The following TRDMT1 variants were observed in gnomAD, a reference collection of about 807,000 sequenced individuals.
TRDMT1 encodes the protein tRNA (cytosine(38)-C(5))-methyltransferase.
A neutral mutation model predicts 51.2 loss-of-function variants in TRDMT1; 49 were observed. The observed-to-expected ratio is 0.96, with a 90% CI of 0.76 to 1.21. The LOEUF is 1.21. TRDMT1 is among the 50% of genes most tolerant of loss of function. The pLI is 0.00. For synonymous variants in TRDMT1, 187 were observed against 164.6 expected (o/e 1.14, Z -1.04); for missense variants, 534 against 462.3 (o/e 1.16, Z -1.42).
At chr10:17,152,249 A>G in intron 10 of TRDMT1, 1 of 437,362 alleles carries the variant, frequency 2.3e-6, no homozygotes, top group Non-Finnish European at 3.7e-6. Context: ...TTCTTAAACA[A>G]CACTCCCCAG....
At chr10:17,183,314 G>C (rs1475077064) in intron 1 of TRDMT1, among the ~76,000 whole-genome samples, 1 of 152,108 alleles carries the variant, frequency 6.6e-6, no homozygotes. Context: ...TATCAACAGA[G>C]GCTATCCCCT....
intron 1 of TRDMT1, among the ~76,000 whole-genome samples, chr10:17,178,661 A>G (rs4546995): frequency 0.95 from 139,469 of 147,114 alleles, 66,487 homozygotes; most frequent in Non-Finnish European, 1. Flanking sequence ...AGATGACAGA[A>G]TGAGACTCTG....
At chr10:17,197,568 T>G (rs565017315) in intron 1 of TRDMT1, among the ~76,000 whole-genome samples, 17 of 152,132 alleles carry the variant, frequency 1.1e-4, no homozygotes, top group Non-Finnish European at 2.5e-4. Flanking sequence ...TAACTGAAAA[T>G]TCAGTAATGT....
chr10:17,174,136 A>G (rs1046067641), intron 2 of TRDMT1, among the ~76,000 whole-genome samples: 1 of 152,250 alleles, frequency 6.6e-6, no homozygotes, highest in Non-Finnish European at 1.5e-5. Context: ...ACCACAGGTG[A>G]AAAAGGTTAA....
chr10:17,201,431 A>C (rs1182932112), intron 1 of TRDMT1, 140 bp downstream of exon 1: 3 of 773,868 alleles, frequency 3.9e-6, no homozygotes, highest in African/African-American at 2.0e-5. Context: ...AGCTGTTTCC[A>C]GGACAACCGA....
chr10:17,154,641 T>C (rs1213236406), intron 9 of TRDMT1, 36 bp downstream of exon 9: 1 of 1,523,670 alleles, frequency 6.6e-7, no homozygotes, highest in Non-Finnish European at 8.8e-7. Flanking sequence ...TAGTTAAAAG[T>C]TTTAAAGTGT....
rs534652753 is a variant in TRDMT1 at position 17,161,840 on chromosome 10, T to A, written c.324-292A>T. On this transcript the variant is annotated intron_variant, in intron 4 of 10. Coordinates refer to ENST00000377799, the MANE Select transcript of TRDMT1 (RefSeq NM_004412.7). ...AAGGGCGGCTACTCACATAGAAGGG[T>A]GGCTTTAAGGGTTTGCACATATTTC... Among the ~76,000 whole-genome samples, 7 of 152,218 alleles carry A rather than the reference T, an allele frequency of 4.6e-5. No homozygotes were observed. The South Asian group carries it at 1.5e-3, about 32-fold the overall frequency.
At chr10:17,150,859 AG>A in intron 10 of TRDMT1, 2 of 985,280 alleles carry the variant, frequency 2.0e-6, no homozygotes, top group South Asian at 4.7e-5. Flanking sequence ...TTTACTTCAA[AG>A]TAGCCAGAGG....
chr10:17,169,497 T>C (rs540416137), intron 2 of TRDMT1: 2 of 1,289,818 alleles, frequency 1.6e-6, no homozygotes, highest in East Asian at 5.5e-5. Context: ...AAAGAATTCC[T>C]AATGGGCTAA....
At position 17,142,011 on chromosome 10, in the gene TRDMT1, T is replaced by A. The variant is rs565662681; in HGVS notation, c.*7029A>T. ...TTGGCATATAGTGCACCTACCATAA[T>A]GGTTCTTTTGTTAACTTCTATTTCT... On this transcript the variant is annotated 3_prime_UTR_variant, in exon 11 of 11. Coordinates refer to ENST00000377799, the MANE Select transcript of TRDMT1 (RefSeq NM_004412.7). Among the ~76,000 whole-genome samples the A allele has an allele frequency of 1.6e-4, 24 of 152,116 alleles. No individual in the cohort carries two copies. The highest frequency in any genetic ancestry group is 4.6e-4 in the African/African-American group (19 of 41,518).
chr10:17,189,717 T>A (rs966564015), intron 1 of TRDMT1, among the ~76,000 whole-genome samples: 3 of 152,160 alleles, frequency 2.0e-5, no homozygotes, highest in African/African-American at 7.2e-5. Context: ...TTCTAGTTAA[T>A]TTAAAATCAT....
At chr10:17,189,618 T>A (rs759618581) in intron 1 of TRDMT1, among the ~76,000 whole-genome samples, 3 of 152,130 alleles carry the variant, frequency 2.0e-5, no homozygotes, top group Non-Finnish European at 4.4e-5. Flanking sequence ...AAGAAAAACA[T>A]CCATTCTGAA....
chr10:17,145,594 C>T lies in TRDMT1; in HGVS notation c.*3446G>A, dbSNP rs1277018076. 3 of 985,418 alleles carry T rather than the reference C, an allele frequency of 3.0e-6. No homozygotes were observed. Among genetic ancestry groups the T allele is most frequent in the Admixed American group, 1.2e-4 (2 of 16,290 alleles). 61.0% of individuals were successfully genotyped at this position (985,418 alleles called of 1,614,324 possible). A position where few individuals can be genotyped will look rare whatever the true frequency, so the allele number is the denominator to read the frequency against. Reference sequence around the variant, plus strand: ...GCCTAAAACAGTTAGAATCCCAAGCCGAAGGCCAAATTATGACAAGGTAAC... The same window carrying T: ...GCCTAAAACAGTTAGAATCCCAAGCTGAAGGCCAAATTATGACAAGGTAAC... On this transcript the variant is annotated 3_prime_UTR_variant, in exon 11 of 11. Coordinates refer to ENST00000377799, the MANE Select transcript of TRDMT1 (RefSeq NM_004412.7).
chr10:17,177,115 T>C (rs1300059277), intron 1 of TRDMT1, among the ~76,000 whole-genome samples: 1 of 151,868 alleles, frequency 6.6e-6, no homozygotes, highest in African/African-American at 2.4e-5. Flanking sequence ...GGATTTCATA[T>C]TTATTAACAG....
chr10:17,200,237 A>G, intron 1 of TRDMT1, among the ~76,000 whole-genome samples: 1 of 152,238 alleles, frequency 6.6e-6, no homozygotes, highest in Admixed American at 6.5e-5. Flanking sequence ...TCGACACTTA[A>G]GGAATGGCTG....
chr10:17,154,805 T>C (rs1839275972), intron 8 of TRDMT1, 71 bp from the exon 9 acceptor site: 2 of 1,312,078 alleles, frequency 1.5e-6, no homozygotes, highest in African/African-American at 3.0e-5. Flanking sequence ...AAATATTTAT[T>C]GAATGAATTA....
intron 1 of TRDMT1, among the ~76,000 whole-genome samples, chr10:17,183,430 T>C (rs919967105): frequency 6.6e-6 from 1 of 152,192 alleles, no homozygotes; most frequent in African/African-American, 2.4e-5. Flanking sequence ...CTTTAGTTAC[T>C]TTTTTGAGAT....
rs200015693 is a variant in TRDMT1, at chr10:17,168,193, C to T, written c.251+648G>A. Among the ~76,000 whole-genome samples the T allele has an allele frequency of 2.8e-4, 43 of 152,216 alleles. No individual in the cohort carries two copies. The East Asian group carries it at 7.4e-3, about 26-fold the overall frequency. On this transcript the variant is annotated intron_variant, in intron 3 of 10. Transcript: ENST00000377799. ...AAGTACATACCTTTAGTCCCAGCTA[C>T]TCAGGAGGCTGAGGCAGGAGGATTG...
Position 17,160,364 on chromosome 10 carries a change from T to A in TRDMT1, c.400A>T (p.Ile134Leu). ...FEVSSTRDLLIQTIENCGFQY... is the reference protein window; with the variant it reads ...FEVSSTRDLLLQTIENCGFQY... ...AAGCCACAATTTTCTATTGTTTGTA[T>A]CAAGAGGTCTCTAAAAAGAAAAAAA... Residue 134 changes from isoleucine to leucine, a missense_variant, in exon 6 of 11, where the codon ATA (isoleucine) becomes TTA (leucine). Physicochemically the swap from Ile to Leu is conservative, Grantham distance 5. Coordinates refer to ENST00000377799, the MANE Select transcript of TRDMT1 (RefSeq NM_004412.7). The A allele has an allele frequency of 1.3e-6, 2 of 1,542,952 alleles. No homozygotes were observed. The highest frequency in any genetic ancestry group is 2.5e-5 in the South Asian group (2 of 78,734).
Sources: allele counts gnomAD v4.1 joint callset (sites outside exome capture counted in the v4.1 genomes callset), GRCh38; gene constraint gnomAD v4.1.1; transcripts MANE v1.5; gene names NCBI Gene and HGNC (gene_info 2026-07-23, HGNC 2026-07-21).